The following IWS1 variants were observed in gnomAD, a reference collection of about 807,000 sequenced individuals.
IWS1 encodes the protein protein IWS1 homolog.
A neutral mutation model predicts 86.7 loss-of-function variants in IWS1; 27 were observed. The observed-to-expected ratio is 0.31, with a 90% confidence interval of 0.23 to 0.43. The LOEUF is 0.43. Among genes scored for constraint, IWS1 ranks in the 20% least tolerant of loss-of-function variants. The pLI is 1.00. For missense variants in IWS1, 827 were observed against 1,000.8 expected (o/e 0.83, Z 2.34); for synonymous variants, 313 against 335.1 (o/e 0.93, Z 0.72).
chr2:127,509,758 T>C lies in IWS1; in HGVS notation c.151-4006A>G, dbSNP rs1691345802. Among the ~76,000 whole-genome samples the C allele has an allele frequency of 2.0e-5, 3 of 150,462 alleles. No individual in the cohort carries two copies. In the South Asian group the frequency reaches 6.4e-4, roughly 32 times the overall value. On this transcript the variant is annotated intron_variant, in intron 2 of 13. Coordinates refer to ENST00000295321, the MANE Select transcript of IWS1 (RefSeq NM_017969.3). ...CCATCGATAATGCCTCATACCTCCT[T>C]CTTAGCCATCATTCACACTGCAGTT...
Position 127,489,849 on chromosome 2 carries a change from T to C in IWS1, c.2142A>G (p.Gln714=). ...CCTCATACCTGTTCATTCTTCGTCG[T>C]TGAGGCATCTGTTCTAGATCTCTCT... The part of the protein sequence containing the change: ...REQRDLEQMP[Q]RRRMNSTGGQ... Residue 714 remains glutamine (Q), a synonymous_variant, in exon 11 of 14, where the codon CAA becomes CAG. Transcript: ENST00000295321. The surrounding 1 kb of genome is among the most constrained non-coding windows in gnomAD (Gnocchi z 4.8). The C allele has an allele frequency of 6.2e-7, 1 of 1,604,306 alleles. No individual in the cohort carries two copies. The highest frequency in any genetic ancestry group is 8.5e-7 in the Non-Finnish European group (1 of 1,171,054).
chr2:127,509,855 T>C (rs951426664), intron 2 of IWS1, among the ~76,000 whole-genome samples: 55 of 152,240 alleles, frequency 3.6e-4, no homozygotes, highest in African/African-American at 1.3e-3. Context: ...CCACACTTCT[T>C]ATGACCAGGG....
chr2:127,522,625 C>T (rs1326975346), intron 2 of IWS1, among the ~76,000 whole-genome samples: 1 of 152,192 alleles, frequency 6.6e-6, no homozygotes, highest in Non-Finnish European at 1.5e-5. Flanking sequence ...TCTCTAATCA[C>T]ACCTACTAAA....
At chr2:127,501,378 T>TG (rs1422225508) in intron 5 of IWS1, among the ~76,000 whole-genome samples, 2 of 152,190 alleles carry the variant, frequency 1.3e-5, no homozygotes, top group Non-Finnish European at 1.5e-5. Context: ...CTATTTTCGT[T>TG]GGTTTCTTGC....
At chr2:127,492,178 A>G in intron 9 of IWS1, 90 bp from the exon 10 acceptor site, 2 of 749,668 alleles carry the variant, frequency 2.7e-6, no homozygotes. Flanking sequence ...CATTCACAAC[A>G]GAACAAATAA....
rs1279174214 is a variant in IWS1 at position 127,486,592 on chromosome 2, A to G, written c.2289T>C (p.Val763=). Residue 763 remains valine (V), a synonymous_variant, in exon 13 of 14, where the codon GTT becomes GTC. Transcript: ENST00000295321. ...RVPMPSNKDY[V]VRPKWNVEME... is the part of the protein sequence containing the mutation. Reference sequence around the variant, plus strand: ...TTTCCACATTCCATTTGGGCCTGACAACATAGTCCTTGTTTGAAGGCATTG... The same window carrying G: ...TTTCCACATTCCATTTGGGCCTGACGACATAGTCCTTGTTTGAAGGCATTG... 2 of 1,614,096 alleles carry G rather than the reference A, an allele frequency of 1.2e-6. No individual in the cohort carries two copies. The highest frequency in any genetic ancestry group is 3.3e-5 in the Admixed American group (2 of 60,024).
At position 127,504,764 on chromosome 2, in the gene IWS1, T is replaced by C. The variant is rs1691022020; in HGVS notation, c.1139A>G (p.Asp380Gly). 1 of 1,614,052 alleles carries C rather than the reference T, an allele frequency of 6.2e-7. No individual in the cohort carries two copies. The highest frequency in any genetic ancestry group is 1.7e-5 in the Admixed American group (1 of 59,992). Reference protein sequence around the residue: ...HKKQKMDSDEDEKEGEEEKVA... With the variant: ...HKKQKMDSDEGEKEGEEEKVA... ...TTTCTCCTCCTCACCCTCTTTTTCA[T>C]CTTCATCACTGTCCATTTTTTGCTT... is the stretch of plus-strand genomic sequence containing the variant. Residue 380 changes from aspartate (D) to glycine (G), a missense_variant, in exon 3 of 14, where the codon GAT becomes GGT. Asp to Gly is a moderately conservative substitution (Grantham distance 94). Around this residue, in one of 2 missense-constraint regions of IWS1, gnomAD observed 548 missense variants for 560.2 expected, o/e 0.98. Coordinates refer to ENST00000295321, the MANE Select transcript of IWS1 (RefSeq NM_017969.3).
In IWS1 at chr2:127,505,876, T is replaced by G; in HGVS notation, c.151-124A>C. The G allele has an allele frequency of 1.5e-6, 1 of 646,138 alleles. No individual in the cohort carries two copies. The highest frequency in any genetic ancestry group is 2.3e-5 in the South Asian group (1 of 44,166). 40.0% of individuals were successfully genotyped at this position (646,138 alleles called of 1,614,324 possible). A position where few individuals can be genotyped will look rare whatever the true frequency, so the allele number is the denominator to read the frequency against. On this transcript the variant is annotated intron_variant, in intron 2 of 13. Coordinates refer to ENST00000295321, the MANE Select transcript of IWS1 (RefSeq NM_017969.3). This position sits in a 1 kb window ranked among gnomAD's most constrained non-coding sequence, Gnocchi z 5.0. ...GATTATGTGCACCTAAATGGAGAAT[T>G]CTTGTCCTATACCCATATAGAAACA...
intron 10 of IWS1, 74 bp from the exon 11 acceptor site, chr2:127,490,017 G>C: frequency 1.3e-6 from 1 of 796,500 alleles, no homozygotes; most frequent in South Asian, 1.4e-5. Context: ...TTGCACCCCA[G>C]TGTGAGGGGA....
At position 127,526,482 on chromosome 2, in the gene IWS1, T is replaced by G; in HGVS notation, c.-274A>C. Reference sequence around the variant, plus strand: ...CCTAGAAGCACCGCTGGGGCCAAAATGGCGTCTGCCCACGACCCTCAAAGG... The same window carrying G: ...CCTAGAAGCACCGCTGGGGCCAAAAGGGCGTCTGCCCACGACCCTCAAAGG... On this transcript the variant is annotated 5_prime_UTR_variant, in exon 1 of 14. Transcript: ENST00000295321. 1 of 1,520,132 alleles carries G rather than the reference T, an allele frequency of 6.6e-7. No homozygotes were observed. The highest frequency in any genetic ancestry group is 8.9e-7 in the Non-Finnish European group (1 of 1,129,112). 94.2% of individuals were successfully genotyped at this position (1,520,132 alleles called of 1,614,324 possible).
At chr2:127,521,993 G>C (rs930852701) in intron 2 of IWS1, among the ~76,000 whole-genome samples, 1 of 152,178 alleles carries the variant, frequency 6.6e-6, no homozygotes. Flanking sequence ...TGCACTGGCT[G>C]TAACAACATA....
chr2:127,503,666 G>C, intron 3 of IWS1, 90 bp from the exon 4 acceptor site: 1 of 458,142 alleles, frequency 2.2e-6, no homozygotes, highest in Non-Finnish European at 3.2e-6. Context: ...GCAGTATACA[G>C]CAAAAATAAA....
intron 1 of IWS1, among the ~76,000 whole-genome samples, chr2:127,524,227 T>C (rs1692262327): frequency 1.3e-5 from 2 of 152,210 alleles, no homozygotes; most frequent in African/African-American, 2.4e-5. Context: ...CCCAGAACAC[T>C]GCCTAGTACC....
chr2:127,491,086 A>T (rs1393934007), intron 10 of IWS1, among the ~76,000 whole-genome samples: 2 of 152,228 alleles, frequency 1.3e-5, no homozygotes, highest in Non-Finnish European at 2.9e-5. Flanking sequence ...GCTTGATTAC[A>T]TAAATTTTGG....
At chr2:127,511,785 C>CA (rs1244350802) in intron 2 of IWS1, among the ~76,000 whole-genome samples, 1 of 152,106 alleles carries the variant, frequency 6.6e-6, no homozygotes, top group Non-Finnish European at 1.5e-5. Context: ...GAATCAAAGA[C>CA]AAAGACTGAA....
At chr2:127,482,441 T>G (rs1257520875) in intron 13 of IWS1, 1 of 152,252 alleles carries the variant, frequency 6.6e-6, no homozygotes, top group Non-Finnish European at 1.5e-5. Flanking sequence ...AAGTGTCAGA[T>G]GAGAAAGAGC....
At chr2:127,508,165 G>T (rs961399323) in intron 2 of IWS1, among the ~76,000 whole-genome samples, 3 of 152,192 alleles carry the variant, frequency 2.0e-5, no homozygotes, top group Admixed American at 6.5e-5. Context: ...TGTATTTCAT[G>T]TCTACTACGT....
chr2:127,505,353 C>T lies in IWS1; in HGVS notation c.550G>A (p.Asp184Asn). Residue 184 changes from aspartate to asparagine, a missense_variant, in exon 3 of 14, where the codon GAC becomes AAC. Asp to Asn is a conservative substitution (Grantham distance 23, BLOSUM62 1). Transcript: ENST00000295321. This position sits in a 1 kb window ranked among gnomAD's most constrained non-coding sequence, Gnocchi z 5.0. ...CTTGGGGGTTCCTCACTCTCAGAGT[C>T]ACTGATTTGAGGTTTTAGAGCATCT... The part of the protein sequence containing the change: ...TEDALKPQIS[D>N]SESEEPPRHQ... 1 of 1,614,076 alleles carries T rather than the reference C, an allele frequency of 6.2e-7. No individual in the cohort carries two copies. Among genetic ancestry groups the T allele is most frequent in the Non-Finnish European group, 8.5e-7 (1 of 1,180,014 alleles).
intron 2 of IWS1, among the ~76,000 whole-genome samples, chr2:127,522,836 T>G (rs1231654643): frequency 6.6e-6 from 1 of 152,228 alleles, no homozygotes; most frequent in Admixed American, 6.5e-5. Context: ...TCTGAAATAT[T>G]TATGTATTAG....
Sources: allele counts gnomAD v4.1 joint callset (sites outside exome capture counted in the v4.1 genomes callset), GRCh38; gene constraint gnomAD v4.1.1; regional missense constraint gnomAD v4.1.1; non-coding constraint Gnocchi (gnomAD v3.1); transcripts MANE v1.5; gene names NCBI Gene and HGNC (gene_info 2026-07-23, HGNC 2026-07-21).